The following EML6 variants were observed in gnomAD, a reference collection of about 807,000 sequenced individuals.
EML6 encodes the protein EMAP like 6.
Under a neutral mutation model 240.1 loss-of-function variants are expected in EML6, and 154 were observed. The observed-to-expected ratio is 0.64, with a 90% CI of 0.56 to 0.73. The LOEUF (loss-of-function observed/expected upper bound fraction) is 0.73, where lower values mean the gene tolerates loss of function less well. EML6 is among the 30% of genes least tolerant of loss of function. EML6 has a pLI of 0.00. For missense variants in EML6, 2,964 were observed against 2,474.6 expected, an observed-to-expected ratio of 1.20 and a Z score of -4.20; for synonymous variants, 1,148 against 899.0, an observed-to-expected ratio of 1.28 and a Z score of -4.95.
In EML6 at chr2:54,725,209, C is replaced by A. The variant is rs746185378; in HGVS notation, c.148C>A (p.Arg50Ser). 42 of 1,502,472 alleles carry A rather than the reference C, an allele frequency of 2.8e-5. 1 individual carries two copies. In the South Asian group the frequency reaches 5.2e-4, roughly 18 times the overall value. The allele number at this position is 1,502,472 out of a possible 1,614,324, so 93.1% of individuals were successfully genotyped here. A position where few individuals can be genotyped will look rare whatever the true frequency, so the allele number is the denominator to read the frequency against. Residue 50 changes from arginine (R) to serine (S), a missense_variant, in exon 2 of 42, where the codon CGC becomes AGC. Coordinates refer to ENST00000356458, the MANE Select transcript of EML6 (RefSeq NM_001039753.4). The surrounding 1 kb of genome is among the most constrained non-coding windows in gnomAD (Gnocchi z 4.3). ...TGGGGTCGGGGTGGTTTACAACACC[C>A]GCGAGCACAGCCAAAAATTCTTCCT... is the stretch of plus-strand genomic sequence containing the variant. ...VAGVGVVYNT[R>S]EHSQKFFLGH...
At position 54,847,560 on chromosome 2, in the gene EML6, G is replaced by A. The variant is rs373462956; in HGVS notation, c.1124G>A (p.Ser375Asn). 5.8e-6 allele frequency: 9 copies of A among 1,552,200 alleles called. No individual in the cohort carries two copies. In the African/African-American group the frequency reaches 1.1e-4, roughly 19 times the overall value. ...MEEAVRSVAFSPDGSQLALGM... is the reference protein window; with the variant it reads ...MEEAVRSVAFNPDGSQLALGM... ...GAGGCGGTTCGCAGTGTAGCTTTCAGCCCCGACGGATCTCAGCTGGCCCTG... is the reference window on the plus strand; with the variant it reads ...GAGGCGGTTCGCAGTGTAGCTTTCAACCCCGACGGATCTCAGCTGGCCCTG... Residue 375 changes from serine (S) to asparagine (N), a missense_variant, in exon 9 of 42, where the codon AGC becomes AAC. Ser to Asn is a conservative substitution (Grantham distance 46). Transcript: ENST00000356458.
At chr2:54,920,890 A>G (rs1674210250) in intron 26 of EML6, among the ~76,000 whole-genome samples, 1 of 152,170 alleles carries the variant, frequency 6.6e-6, no homozygotes, top group Admixed American at 6.5e-5. Context: ...CCACATAAAG[A>G]GAATAAAGGA....
intron 5 of EML6, among the ~76,000 whole-genome samples, chr2:54,823,132 T>C (rs183080542): frequency 7.7e-4 from 117 of 152,352 alleles, no homozygotes; most frequent in African/African-American, 2.6e-3. Context: ...TTCAATTTGC[T>C]TGAAGTTTAG....
intron 19 of EML6, 77 bp downstream of exon 19, chr2:54,892,733 G>A (rs754192895): frequency 6.1e-6 from 7 of 1,151,936 alleles, no homozygotes; most frequent in Non-Finnish European, 8.6e-6. Flanking sequence ...TGGCCCAAGA[G>A]GATGCCTGTA....
intron 5 of EML6, 134 bp downstream of exon 5, chr2:54,820,596 C>G (rs1668287547): frequency 1.8e-6 from 1 of 556,658 alleles, no homozygotes; most frequent in Non-Finnish European, 3.1e-6. Flanking sequence ...TTACCTGTTT[C>G]TCTGCTCCTG....
chr2:54,816,545 G>T (rs972690014), intron 3 of EML6, among the ~76,000 whole-genome samples: 19 of 152,128 alleles, frequency 1.2e-4, no homozygotes, highest in Non-Finnish European at 2.5e-4. Context: ...TTATATGTAT[G>T]TTTCTTACAC....
At chr2:54,917,633 T>A (rs1673994749) in intron 26 of EML6, among the ~76,000 whole-genome samples, 1 of 152,214 alleles carries the variant, frequency 6.6e-6, no homozygotes, top group African/African-American at 2.4e-5. Flanking sequence ...ACTGCTGGGA[T>A]TATGGGCGTG....
intron 8 of EML6, 66 bp downstream of exon 8, chr2:54,844,314 A>G: frequency 7.7e-7 from 1 of 1,290,404 alleles, no homozygotes; most frequent in Non-Finnish European, 1.1e-6. Context: ...AAATTTGCTT[A>G]TTAATAGAAG....
intron 17 of EML6, among the ~76,000 whole-genome samples, chr2:54,883,684 C>G (rs185938625): frequency 1.0e-3 from 159 of 152,298 alleles, no homozygotes; most frequent in African/African-American, 3.7e-3. Flanking sequence ...TAAGATCTGA[C>G]AAACTCTTTG....
intron 2 of EML6, among the ~76,000 whole-genome samples, chr2:54,726,637 C>T (rs1682921911): frequency 1.3e-5 from 2 of 152,076 alleles, no homozygotes; most frequent in Admixed American, 1.3e-4. Context: ...TTCTTCCCTC[C>T]CTAACATGGT....
At chr2:54,933,422 A>T (rs1674963835) in intron 28 of EML6, among the ~76,000 whole-genome samples, 1 of 152,152 alleles carries the variant, frequency 6.6e-6, no homozygotes. Flanking sequence ...ATTCTCTTAA[A>T]ATGGCCCCAT....
At position 54,970,833 on chromosome 2, in the gene EML6, G is replaced by C. The variant is rs891391309; in HGVS notation, c.*738G>C. ...ACCCTTGTCCTGTGTTCACGCCAAG[G>C]CTTCCTAAATGAAAGACATCGGTTA... On this transcript the variant is annotated 3_prime_UTR_variant, in exon 42 of 42. Transcript: ENST00000356458. The C allele has an allele frequency of 1.3e-5, 2 of 152,186 alleles. No homozygotes were observed. Among genetic ancestry groups the C allele is most frequent in the African/African-American group, 2.4e-5 (1 of 41,438 alleles). 9.4% of individuals were successfully genotyped at this position (152,186 alleles called of 1,614,324 possible).
chr2:54,847,554 C>G lies in EML6; in HGVS notation c.1118C>G (p.Ala373Gly). The G allele has an allele frequency of 6.4e-7, 1 of 1,552,280 alleles. No homozygotes were observed. Among genetic ancestry groups the G allele is most frequent in the Non-Finnish European group, 8.7e-7 (1 of 1,147,126 alleles). Reference sequence around the variant, plus strand: ...ATGGAAGAGGCGGTTCGCAGTGTAGCTTTCAGCCCCGACGGATCTCAGCTG... The same window carrying G: ...ATGGAAGAGGCGGTTCGCAGTGTAGGTTTCAGCCCCGACGGATCTCAGCTG... ...CNMEEAVRSV[A>G]FSPDGSQLAL... The change falls in exon 9 of 42, where the codon GCT becomes GGT. Residue 373 changes from alanine (A) to glycine (G), a missense_variant. Transcript: ENST00000356458.
intron 36 of EML6, among the ~76,000 whole-genome samples, 172 bp from the exon 37 acceptor site, chr2:54,963,814 G>T (rs72910851): frequency 0.018 from 2,697 of 152,342 alleles, 91 homozygotes; most frequent in African/African-American, 0.062. Flanking sequence ...CTCTAATCAA[G>T]ACATACAGCT....
At chr2:54,823,453 C>T (rs915671456) in intron 5 of EML6, among the ~76,000 whole-genome samples, 31 of 52,946 alleles carry the variant, frequency 5.9e-4, no homozygotes, top group African/African-American at 1.9e-3. Flanking sequence ...AGAACCTATT[C>T]CATAGTTTTT....
At chr2:54,792,578 C>A (rs187524574) in intron 2 of EML6, among the ~76,000 whole-genome samples, 9 of 152,160 alleles carry the variant, frequency 5.9e-5, no homozygotes, top group Non-Finnish European at 1.2e-4. Flanking sequence ...AGAACTGTTG[C>A]GTATCTGCAT....
In EML6 at chr2:54,916,798, G is replaced by C. The variant is rs1357977637; in HGVS notation, c.3538G>C (p.Gly1180Arg). 1.9e-6 allele frequency: 3 copies of C among 1,543,808 alleles called. No individual in the cohort carries two copies. Among genetic ancestry groups the C allele is most frequent in the Non-Finnish European group, 2.6e-6 (3 of 1,141,010 alleles). The change falls in exon 26 of 42, where the codon GGG becomes CGG. Residue 1180 changes from glycine (G) to arginine (R), a missense_variant. By Grantham distance (125) the Gly-to-Arg change is moderately radical. Transcript: ENST00000356458. ...GTGGGACACATGGACCTGTGTCCTG[G>C]GGCCCACCTGTGAGGGAATCTGGCC... ...IEWDTWTCVL[G>R]PTCEGIWPAH...
At chr2:54,778,344 G>A (rs1668688817) in intron 2 of EML6, among the ~76,000 whole-genome samples, 1 of 152,168 alleles carries the variant, frequency 6.6e-6, no homozygotes, top group Admixed American at 6.5e-5. Context: ...GAAAGAGAAG[G>A]AGGAAGAGAG....
chr2:54,833,913 T>C (rs1012145693), intron 7 of EML6, among the ~76,000 whole-genome samples: 3 of 152,230 alleles, frequency 2.0e-5, no homozygotes, highest in East Asian at 3.8e-4. Flanking sequence ...TGACCTGATA[T>C]GAGGCTACTG....
Sources: gnomAD v4.1 joint callset for allele counts (sites outside exome capture counted in the v4.1 genomes callset) on GRCh38, gnomAD v4.1.1 for gene constraint, Gnocchi (gnomAD v3.1) non-coding constraint, MANE v1.5 for transcripts, NCBI Gene and HGNC (gene_info 2026-07-23, HGNC 2026-07-21) for gene names.